ANKRD30B: variants seen among roughly 807,000 people sequenced by gnomAD.
The protein encoded by ANKRD30B is ankyrin repeat domain-containing protein 30B.
Under a neutral mutation model 202.2 loss-of-function variants are expected in ANKRD30B, and 144 were observed. The observed-to-expected ratio is 0.71, with a 90% CI of 0.62 to 0.82. The LOEUF (loss-of-function observed/expected upper bound fraction) is 0.82. ANKRD30B is among the 40% of genes least tolerant of loss of function. ANKRD30B has a pLI of 0.00. For missense variants in ANKRD30B, 1,487 were observed against 1,669.1 expected (o/e 0.89, Z 1.90); for synonymous variants, 508 against 561.3 (o/e 0.91, Z 1.34).
the ANKRD30B span, among the ~76,000 whole-genome samples, chr18:14,938,533 G>A: frequency 2.0e-5 from 3 of 152,072 alleles, no homozygotes; most frequent in Admixed American, 6.5e-5. Flanking sequence ...CTTTCATTCC[G>A]GAAGGGTCTG....
At chr18:14,769,562 G>A (rs1006352136) in intron 8 of ANKRD30B, among the ~76,000 whole-genome samples, 189 bp downstream of exon 8, 3 of 152,150 alleles carry the variant, frequency 2.0e-5, no homozygotes, top group Non-Finnish European at 4.4e-5. Context: ...GTATTAAACA[G>A]GCAAATGTGG....
At chr18:14,897,110 T>A in the ANKRD30B span, among the ~76,000 whole-genome samples, 1 of 151,954 alleles carries the variant, frequency 6.6e-6, no homozygotes, top group Non-Finnish European at 1.5e-5. Context: ...AACATGCTAA[T>A]CGAGAGATAA....
At chr18:14,923,607 C>T in the ANKRD30B span, among the ~76,000 whole-genome samples, 1 of 152,168 alleles carries the variant, frequency 6.6e-6, no homozygotes. Context: ...GGACAGAAGC[C>T]TGGCTGGCTT....
At chr18:14,855,187 G>C (rs1972045250), downstream of ANKRD30B, among the ~76,000 whole-genome samples, 2 of 152,174 alleles carry the variant, frequency 1.3e-5, no homozygotes, top group African/African-American at 4.8e-5. Flanking sequence ...ACCCTGAGTT[G>C]ACACAGCACA....
chr18:14,829,032 C>T (rs767572229), intron 33 of ANKRD30B, among the ~76,000 whole-genome samples: 16 of 152,048 alleles, frequency 1.1e-4, no homozygotes, highest in Non-Finnish European at 4.4e-5. Context: ...TGCATGCACT[C>T]TTCATTTTCT....
chr18:14,892,742 C>CAAAAAAAAAAAA, the ANKRD30B span, among the ~76,000 whole-genome samples: 5 of 72,890 alleles, frequency 6.9e-5, no homozygotes, highest in South Asian at 7.2e-4. Flanking sequence ...TCTGTTTCAC[C>CAAAAAAAAAAAA]AAAAAAAAAA....
Position 14,763,955 on chromosome 18 carries a change from G to A in ANKRD30B, c.1090G>A (p.Glu364Lys). Residue 364 changes from glutamate (E) to lysine (K), a missense_variant, in exon 7 of 44, where the codon GAG (glutamate) becomes AAG (lysine). Glu to Lys is a moderately conservative substitution (Grantham distance 56). Transcript: ENST00000690538. ...AGAAAGATCTAGGAAGATCACATGG[G>A]AGGAAAAAGAAACATCTGTAAAGAC... is the stretch of plus-strand genomic sequence containing the variant. ...AKERSRKITW[E>K]EKETSVKTEC... 3 of 1,608,500 alleles carry A rather than the reference G, an allele frequency of 1.9e-6. No homozygotes were observed. Among genetic ancestry groups the A allele is most frequent in the East Asian group, 2.2e-5 (1 of 44,496 alleles).
chr18:14,854,914 T>G (rs1972037130), downstream of ANKRD30B, among the ~76,000 whole-genome samples: 1 of 151,822 alleles, frequency 6.6e-6, no homozygotes, highest in Admixed American at 6.6e-5. Flanking sequence ...TATGCTTTTT[T>G]TATTATTATT....
the ANKRD30B span, among the ~76,000 whole-genome samples, chr18:14,881,591 C>T: frequency 1.4e-4 from 22 of 152,210 alleles, no homozygotes; most frequent in African/African-American, 5.1e-4. Flanking sequence ...GTGACGCTGG[C>T]TTCATAGAAT....
rs147792345 is a variant in ANKRD30B at position 14,786,193 on chromosome 18, A to T, written c.1673-846A>T. 1.8e-3 allele frequency among the ~76,000 whole-genome samples: 269 copies of T among 152,068 alleles called. 1 individual carries two copies. The highest frequency in any genetic ancestry group is 6.1e-3 in the African/African-American group (255 of 41,480). On this transcript the variant is annotated intron_variant, in intron 14 of 43. Transcript: ENST00000690538. ...CCTGACTCAAATAGTTGTAATTTGT[A>T]CTTTTTGCTGATAAAGAAAACTGGA...
Position 14,842,757 on chromosome 18 carries a change from T to C in ANKRD30B, c.3080-140T>C, listed in dbSNP as rs189203542. Reference sequence around the variant, plus strand: ...GTCATGTGATTGTCCTAAAGAAACATACCGAAAGAAAACCCCCTAAACCTA... The same window carrying C: ...GTCATGTGATTGTCCTAAAGAAACACACCGAAAGAAAACCCCCTAAACCTA... On this transcript the variant is annotated intron_variant, in intron 37 of 43. Transcript: ENST00000690538. 124 of 756,856 alleles carry C rather than the reference T, an allele frequency of 1.6e-4. No individual in the cohort carries two copies. The African/African-American group carries it at 2.2e-3, about 14-fold the overall frequency. The allele number at this position is 756,856 out of a possible 1,614,324, so 46.9% of individuals were successfully genotyped here.
chr18:14,919,249 A>G, the ANKRD30B span, among the ~76,000 whole-genome samples: 1 of 152,218 alleles, frequency 6.6e-6, no homozygotes, highest in East Asian at 1.9e-4. Flanking sequence ...TGAAACACAC[A>G]TTGTAAAATG....
chr18:14,919,754 C>T, the ANKRD30B span, among the ~76,000 whole-genome samples: 2 of 152,246 alleles, frequency 1.3e-5, no homozygotes, highest in African/African-American at 4.8e-5. Context: ...TGGCCCCACC[C>T]TGCTGGCCAG....
In ANKRD30B at chr18:14,831,636, T is replaced by G. The variant is rs187172943; in HGVS notation, c.2847+181T>G. Among the ~76,000 whole-genome samples the G allele has an allele frequency of 8.3e-4, 127 of 152,308 alleles. 2 individuals are homozygous for G. Among genetic ancestry groups the G allele is most frequent in the Middle Eastern group, 3.4e-3 (1 of 294 alleles). Reference sequence around the variant, plus strand: ...GATTTAAACAGTTTTTTTTTTGTTTTTTTGTTTGTTTGTTTTACTTCAGTA... The same window carrying G: ...GATTTAAACAGTTTTTTTTTTGTTTGTTTGTTTGTTTGTTTTACTTCAGTA... On this transcript the variant is annotated intron_variant, in intron 34 of 43. Transcript: ENST00000690538.
the ANKRD30B span, among the ~76,000 whole-genome samples, chr18:14,864,161 C>T: frequency 6.6e-6 from 1 of 152,032 alleles, no homozygotes. Flanking sequence ...ATGGAGAAAC[C>T]CCATTTAGAA....
the ANKRD30B span, among the ~76,000 whole-genome samples, chr18:14,879,388 A>G: frequency 6.6e-6 from 1 of 152,156 alleles, no homozygotes; most frequent in Non-Finnish European, 1.5e-5. Flanking sequence ...TGACACCCCC[A>G]TCGCTCATAT....
At chr18:14,865,617 T>A in the ANKRD30B span, among the ~76,000 whole-genome samples, 71 of 147,228 alleles carry the variant, frequency 4.8e-4, no homozygotes, top group African/African-American at 1.4e-3. Context: ...CTACCCCCAG[T>A]TTTTTTTTTC....
rs1194243345 is a variant in ANKRD30B at position 14,791,429 on chromosome 18, A to T, written c.1763A>T (p.Asp588Val). 4 of 1,610,780 alleles carry T rather than the reference A, an allele frequency of 2.5e-6. No homozygotes were observed. In the African/African-American group the frequency reaches 4.0e-5, roughly 16 times the overall value. Residue 588 changes from aspartate to valine, a missense_variant, in exon 16 of 44, where the codon GAT (aspartate) becomes GTT (valine). Physicochemically the swap from Asp to Val is radical, Grantham distance 152. This residue lies in a region of ANKRD30B where 889 missense variants were observed against 841.4 expected (regional missense o/e 1.06). Transcript: ENST00000690538. ...CCCTGTGAGACGGTTTCACAGAAGG[A>T]TGTGTATTTACCCAAAGCTACACAT... is the stretch of plus-strand genomic sequence containing the variant. The part of the protein sequence containing the change: ...ESPCETVSQK[D>V]VYLPKATHQK...
chr18:14,875,249 C>T, the ANKRD30B span, among the ~76,000 whole-genome samples: 1 of 152,160 alleles, frequency 6.6e-6, no homozygotes, highest in Non-Finnish European at 1.5e-5. Context: ...AACCCCATAA[C>T]CTTGCAGACT....
Sources: allele counts gnomAD v4.1 joint callset (sites outside exome capture counted in the v4.1 genomes callset), GRCh38; gene constraint gnomAD v4.1.1; regional missense constraint gnomAD v4.1.1; transcripts MANE v1.5; gene names NCBI Gene and HGNC (gene_info 2026-07-23, HGNC 2026-07-21).